The following KCNH1 variants were observed in gnomAD, a reference collection of about 807,000 sequenced individuals.
The protein encoded by KCNH1 is potassium voltage-gated channel subfamily H member 1, also known as voltage-gated delayed rectifier potassium channel KCNH1.
KCNH1 carries 27 observed loss-of-function variants against 69.2 expected under a neutral mutation model. The ratio of observed to expected loss-of-function variants is 0.39; its 90% confidence interval spans 0.29 to 0.54. The LOEUF (loss-of-function observed/expected upper bound fraction) is 0.54, where lower values mean the gene tolerates loss of function less well. Among genes scored for constraint, KCNH1 ranks in the 20% least tolerant of loss-of-function variants. The probability of loss-of-function intolerance (pLI) is 0.68; values close to 1 mark genes in which losing one functional copy is unlikely to be tolerated. For synonymous variants in KCNH1, 456 were observed against 487.7 expected (o/e 0.93, Z 0.86); for missense variants, 798 against 1,261.6 (o/e 0.63, Z 5.57).
At chr1:211,121,374 C>G in intron 1 of KCNH1, among the ~76,000 whole-genome samples, 1 of 151,968 alleles carries the variant, frequency 6.6e-6, no homozygotes, top group Non-Finnish European at 1.5e-5. Context: ...GAAATAAAAC[C>G]ACACATCTAC....
intron 5 of KCNH1, among the ~76,000 whole-genome samples, chr1:211,078,835 G>A (rs1256490291): frequency 1.0e-4 from 15 of 149,610 alleles, no homozygotes; most frequent in African/African-American, 1.2e-4. Flanking sequence ...GTAGAATGGC[G>A]TGAACCCGGG....
At chr1:210,859,847 T>A (rs1259884821) in intron 7 of KCNH1, 2 of 1,128,790 alleles carry the variant, frequency 1.8e-6, no homozygotes, top group African/African-American at 3.0e-5. Context: ...GATTTGTAAC[T>A]GGTTCAACAT....
chr1:210,952,703 A>G (rs917194062), intron 6 of KCNH1, among the ~76,000 whole-genome samples: 1 of 152,028 alleles, frequency 6.6e-6, no homozygotes, highest in African/African-American at 2.4e-5. Flanking sequence ...AAAAAAAATC[A>G]CATAAACCTG....
chr1:210,847,667 A>C (rs1266488609), intron 7 of KCNH1, among the ~76,000 whole-genome samples: 1 of 152,144 alleles, frequency 6.6e-6, no homozygotes, highest in Non-Finnish European at 1.5e-5. Context: ...CCAAGATGGC[A>C]CATGTATACA....
At chr1:211,040,306 T>C (rs1587579) in intron 5 of KCNH1, among the ~76,000 whole-genome samples, 136,310 of 152,170 alleles carry the variant, frequency 0.9, 61,124 homozygotes, top group South Asian at 0.94. Context: ...TGGCTGTGTC[T>C]CATCCAAATC....
At chr1:210,942,401 GA>G (rs60325750) in intron 6 of KCNH1, among the ~76,000 whole-genome samples, 401 of 152,186 alleles carry the variant, frequency 2.6e-3, no homozygotes, top group African/African-American at 9.2e-3. Flanking sequence ...TATAAAGTAG[GA>G]AAAATGCATG....
chr1:210,986,046 T>C (rs1277619363), intron 6 of KCNH1, among the ~76,000 whole-genome samples: 2 of 152,224 alleles, frequency 1.3e-5, no homozygotes, highest in Non-Finnish European at 2.9e-5. Flanking sequence ...AATGGCCTTC[T>C]TTGTCTCTTT....
intron 1 of KCNH1, among the ~76,000 whole-genome samples, chr1:211,126,842 A>C (rs1691786206): frequency 6.6e-6 from 1 of 152,276 alleles, no homozygotes; most frequent in Non-Finnish European, 1.5e-5. Context: ...ATCCCAGAGG[A>C]ATGTGGTTTG....
At chr1:211,064,130 A>G (rs897426270) in intron 5 of KCNH1, among the ~76,000 whole-genome samples, 4 of 152,246 alleles carry the variant, frequency 2.6e-5, no homozygotes, top group African/African-American at 4.8e-5. Context: ...AACAATCCAA[A>G]TATCTATCAA....
At chr1:210,875,105 A>G (rs1266253094) in intron 7 of KCNH1, among the ~76,000 whole-genome samples, 1 of 152,248 alleles carries the variant, frequency 6.6e-6, no homozygotes, top group East Asian at 1.9e-4. Flanking sequence ...ATTGAAATGA[A>G]ACATATGATT....
intron 5 of KCNH1, among the ~76,000 whole-genome samples, chr1:211,023,251 T>C (rs1376409468): frequency 6.6e-6 from 1 of 151,816 alleles, no homozygotes; most frequent in Non-Finnish European, 1.5e-5. Flanking sequence ...ATGCAAAACA[T>C]ATTGAGTTTC....
intron 7 of KCNH1, among the ~76,000 whole-genome samples, chr1:210,839,322 T>A (rs1685356250): frequency 6.6e-6 from 1 of 152,002 alleles, no homozygotes; most frequent in African/African-American, 2.4e-5. Context: ...GAAAACCAAA[T>A]ACTACATGTT....
intron 6 of KCNH1, among the ~76,000 whole-genome samples, chr1:210,931,512 G>C (rs917145957): frequency 6.6e-6 from 1 of 152,022 alleles, no homozygotes; most frequent in South Asian, 2.1e-4. Flanking sequence ...TTGGGGACTT[G>C]GGGGAAAGGG....
At chr1:210,986,793 C>T (rs530011868) in intron 6 of KCNH1, among the ~76,000 whole-genome samples, 4 of 152,124 alleles carry the variant, frequency 2.6e-5, no homozygotes, top group East Asian at 3.9e-4. Flanking sequence ...AGTATCTTTG[C>T]GGTGTTCTCT....
chr1:210,987,055 CT>C (rs1175143923), intron 6 of KCNH1, among the ~76,000 whole-genome samples: 1 of 152,176 alleles, frequency 6.6e-6, no homozygotes, highest in African/African-American at 2.4e-5. Flanking sequence ...CACTGATACC[CT>C]TTCTTCCAGG....
At chr1:211,112,513 A>C (rs140471797) in intron 1 of KCNH1, among the ~76,000 whole-genome samples, 1 of 130,210 alleles carries the variant, frequency 7.7e-6, no homozygotes, top group African/African-American at 3.1e-5. Context: ...AAAAAAAAAA[A>C]AAAAAAAAAA....
chr1:210,882,925 A>G (rs932348486), intron 7 of KCNH1, among the ~76,000 whole-genome samples: 3 of 152,226 alleles, frequency 2.0e-5, no homozygotes, highest in Admixed American at 2.0e-4. Context: ...TCATTAATAC[A>G]TAGTAAAAAC....
chr1:210,976,201 A>T (rs143451709), intron 6 of KCNH1, among the ~76,000 whole-genome samples: 9,148 of 152,182 alleles, frequency 0.06, 338 homozygotes, highest in East Asian at 0.18. Context: ...GTGATTCCTC[A>T]AGGATCTAGA....
chr1:210,700,641 T>G (rs1487053664), intron 10 of KCNH1, among the ~76,000 whole-genome samples: 3 of 152,254 alleles, frequency 2.0e-5, no homozygotes, highest in Non-Finnish European at 2.9e-5. Context: ...GGCAAGCTGC[T>G]TCTGTAAAGG....
Sources: allele counts gnomAD v4.1 joint callset (sites outside exome capture counted in the v4.1 genomes callset), GRCh38; gene constraint gnomAD v4.1.1; transcripts MANE v1.5; gene names NCBI Gene and HGNC (gene_info 2026-07-23, HGNC 2026-07-21).